Variants in PYGB observed in about 807,000 individuals in gnomAD.
PYGB encodes the protein glycogen phosphorylase B, also known as glycogen phosphorylase, brain form.
Under a neutral mutation model 94.3 loss-of-function variants are expected in PYGB, and 82 were observed. That is an observed-to-expected ratio of 0.87 (90% CI 0.73 to 1.04). The LOEUF (loss-of-function observed/expected upper bound fraction) is 1.04, where lower values mean the gene tolerates loss of function less well. PYGB is among the 50% of genes least tolerant of loss of function. The pLI is 0.00. For synonymous variants in PYGB, 488 were observed against 479.1 expected (o/e 1.02, Z -0.24); for missense variants, 1,132 against 1,158.2 (o/e 0.98, Z 0.33).
At position 25,274,703 on chromosome 20, in the gene PYGB, G is replaced by A. The variant is rs373504384; in HGVS notation, c.640G>A (p.Val214Met). Residue 214 changes from valine (V) to methionine (M), a missense_variant, in exon 5 of 20, where the codon GTG becomes ATG. Coordinates refer to ENST00000216962, the MANE Select transcript of PYGB (RefSeq NM_002862.4). ...YGRVEHTPDGVKWLDTQVVLA... is the reference protein window; with the variant it reads ...YGRVEHTPDGMKWLDTQVVLA... The stretch of plus-strand genomic sequence containing the variant: ...ACGCGTGGAGCACACCCCCGACGGC[G>A]TGAAGTGGCTGGACACACAGGTACC... 3 of 1,613,164 alleles carry A rather than the reference G, an allele frequency of 1.9e-6. No individual in the cohort carries two copies. The highest frequency in any genetic ancestry group is 1.7e-5 in the Admixed American group (1 of 60,000).
intron 15 of PYGB, among the ~76,000 whole-genome samples, chr20:25,289,648 A>G (rs1465433316): frequency 6.6e-6 from 1 of 151,516 alleles, no homozygotes; most frequent in Non-Finnish European, 1.5e-5. Flanking sequence ...TGTCTCAGCA[A>G]AAAAAAGAAA....
At chr20:25,254,127 G>A (rs1194208852) in intron 1 of PYGB, among the ~76,000 whole-genome samples, 2 of 150,802 alleles carry the variant, frequency 1.3e-5, no homozygotes, top group African/African-American at 4.9e-5. Context: ...CCCCAAAAAC[G>A]GCAGTGAGTA....
intron 19 of PYGB, among the ~76,000 whole-genome samples, chr20:25,296,169 C>T (rs2474778): frequency 1.7e-3 from 258 of 152,292 alleles, no homozygotes; most frequent in Middle Eastern, 6.8e-3. Flanking sequence ...TCCTTGCTCC[C>T]TAGATCTAGA....
At chr20:25,262,130 G>T (rs922683721) in intron 2 of PYGB, among the ~76,000 whole-genome samples, 1 of 152,074 alleles carries the variant, frequency 6.6e-6, no homozygotes, top group Non-Finnish European at 1.5e-5. Context: ...TACAGAAAAC[G>T]CCACAAAGAT....
chr20:25,268,665 G>A (rs747716512), intron 2 of PYGB, among the ~76,000 whole-genome samples: 6 of 152,180 alleles, frequency 3.9e-5, no homozygotes, highest in African/African-American at 9.7e-5. Flanking sequence ...CATAATGAGA[G>A]TACTGAGTTT....
chr20:25,292,719 T>C (rs2088480631), intron 17 of PYGB, 106 bp downstream of exon 17: 1 of 1,388,396 alleles, frequency 7.2e-7, no homozygotes, highest in Non-Finnish European at 9.7e-7. Flanking sequence ...GGCCACTGTG[T>C]GCTAGGGTCA....
intron 6 of PYGB, among the ~76,000 whole-genome samples, 176 bp from the exon 7 acceptor site, chr20:25,277,068 G>C (rs2088319222): frequency 1.3e-5 from 2 of 152,088 alleles, no homozygotes; most frequent in African/African-American, 4.8e-5. Context: ...ACATAGGGGA[G>C]CTGCAGGAGG....
At chr20:25,251,938 G>GA (rs11483996) in intron 1 of PYGB, among the ~76,000 whole-genome samples, 9,898 of 152,276 alleles carry the variant, frequency 0.065, 992 homozygotes, top group African/African-American at 0.22. Context: ...AGGAGTTAAA[G>GA]AAGATGATCT....
intron 14 of PYGB, 47 bp from the exon 15 acceptor site, chr20:25,288,378 G>T: frequency 3.1e-6 from 5 of 1,610,446 alleles, no homozygotes; most frequent in Non-Finnish European, 4.2e-6. Context: ...GCAGGGGCTC[G>T]TCCGGCTCGC....
chr20:25,290,513 C>G lies in PYGB; in HGVS notation c.1860C>G (p.Ile620Met), dbSNP rs1412284319. The G allele has an allele frequency of 3.1e-6, 5 of 1,610,824 alleles. No homozygotes were observed. The highest frequency in any genetic ancestry group is 4.2e-6 in the Non-Finnish European group (5 of 1,177,124). ...AAPGYHMAKL[I>M]IKLVTSIGDV... ...CCGGTTACCACATGGCCAAGCTGAT[C>G]ATCAAGTTGGTCACCTCCATCGGCG... The change falls in exon 16 of 20, where the codon ATC becomes ATG. Residue 620 changes from isoleucine to methionine, a missense_variant. Ile to Met is a conservative substitution (Grantham distance 10, BLOSUM62 1). Transcript: ENST00000216962.
chr20:25,272,997 T>G (rs557353015), intron 4 of PYGB, among the ~76,000 whole-genome samples: 4 of 152,354 alleles, frequency 2.6e-5, no homozygotes, highest in African/African-American at 9.6e-5. Context: ...TGTGATAGTT[T>G]AGGATGATCA....
intron 2 of PYGB, among the ~76,000 whole-genome samples, chr20:25,264,344 G>A (rs559877173): frequency 1.5e-3 from 221 of 152,278 alleles, no homozygotes; most frequent in African/African-American, 5.2e-3. Flanking sequence ...AAAACTGCAA[G>A]CATCCCCTTT....
chr20:25,292,473 C>T lies in PYGB; in HGVS notation c.2037C>T (p.Asn679=), dbSNP rs1600743185. The stretch of plus-strand genomic sequence containing the variant: ...GCACCGAGGCCTCAGGCACAGGCAA[C>T]ATGAAGTTCATGCTCAACGGGGCCC... ...TAGTEASGTG[N]MKFMLNGALT... Residue 679 remains asparagine, a synonymous_variant, in exon 17 of 20, where the codon AAC becomes AAT. Transcript: ENST00000216962. 8.7e-6 allele frequency: 14 copies of T among 1,613,562 alleles called. No homozygotes were observed. The highest frequency in any genetic ancestry group is 1.7e-5 in the Admixed American group (1 of 59,998).
intron 1 of PYGB, 111 bp downstream of exon 1, chr20:25,248,532 C>T (rs2092877752): frequency 1.6e-6 from 2 of 1,215,528 alleles, no homozygotes; most frequent in Non-Finnish European, 2.1e-6. Context: ...ACCTGCGCCC[C>T]TAGCCGGCCG....
chr20:25,251,850 G>A (rs781613167), intron 1 of PYGB, among the ~76,000 whole-genome samples: 12 of 152,286 alleles, frequency 7.9e-5, no homozygotes, highest in Admixed American at 6.5e-4. Context: ...CTACCTTGGG[G>A]CCCACACTGC....
At chr20:25,274,156 C>A (rs1025337418) in intron 4 of PYGB, among the ~76,000 whole-genome samples, 16 of 152,210 alleles carry the variant, frequency 1.1e-4, no homozygotes, top group African/African-American at 1.2e-4. Flanking sequence ...AGAAAGAAGC[C>A]CTGCACCAAT....
At chr20:25,283,865 C>T (rs1284981795) in intron 13 of PYGB, among the ~76,000 whole-genome samples, 6 of 152,132 alleles carry the variant, frequency 3.9e-5, no homozygotes, top group African/African-American at 1.4e-4. Flanking sequence ...TCCAGGCGTG[C>T]TCCTGGGCCG....
Position 25,259,237 on chromosome 20 carries a change from C to A in PYGB, c.244C>A (p.Arg82Ser). The change falls in exon 2 of 20, where the codon CGC becomes AGC. Residue 82 changes from arginine to serine, a missense_variant and splice_region_variant. Physicochemically the swap from Arg to Ser is moderately radical, Grantham distance 110 (BLOSUM62 -1). Transcript: ENST00000216962. ...QQHYYERDPK[R>S]IYYLSLEFYM... Reference sequence around the variant, plus strand: ...CTTATTCTTTCTTCTGCTTCCTCAGCGCATTTATTATCTTTCCCTGGAATT... The same window carrying A: ...CTTATTCTTTCTTCTGCTTCCTCAGAGCATTTATTATCTTTCCCTGGAATT... 6.3e-7 allele frequency: 1 copy of A among 1,587,014 alleles called. No individual in the cohort carries two copies. The highest frequency in any genetic ancestry group is 8.7e-7 in the Non-Finnish European group (1 of 1,155,406).
In PYGB at chr20:25,280,325, C is replaced by T; in HGVS notation, c.1152C>T (p.Ala384=). 9 of 1,614,154 alleles carry T rather than the reference C, an allele frequency of 5.6e-6. No homozygotes were observed. In the South Asian group the frequency reaches 8.8e-5, roughly 16 times the overall value. The change falls in exon 10 of 20, where the codon GCC becomes GCT. Residue 384 remains alanine (A), a synonymous_variant. Transcript: ENST00000216962. The part of the protein sequence containing the change: ...AYTNHTVLPE[A]LERWPVSMFE... The stretch of plus-strand genomic sequence containing the variant: ...CCAACCACACTGTGCTGCCTGAGGC[C>T]TTGGAGCGCTGGCCCGTGTCCATGT...
Sources: allele counts gnomAD v4.1 joint callset (sites outside exome capture counted in the v4.1 genomes callset), GRCh38; gene constraint gnomAD v4.1.1; transcripts MANE v1.5; gene names NCBI Gene and HGNC (gene_info 2026-07-23, HGNC 2026-07-21).